Variants in BNIP2 observed in about 807,000 individuals in gnomAD.
The protein encoded by BNIP2 is BCL2/adenovirus E1B 19 kDa protein-interacting protein 2.
BNIP2 carries 36 observed loss-of-function variants against 43.4 expected under a neutral mutation model. The observed-to-expected ratio is 0.83, with a 90% CI of 0.64 to 1.10. The LOEUF (loss-of-function observed/expected upper bound fraction) is 1.10. Among genes scored for constraint, BNIP2 ranks in the 50% least tolerant of loss-of-function variants. The probability of loss-of-function intolerance (pLI) is 0.00; values close to 1 mark genes in which losing one functional copy is unlikely to be tolerated. For synonymous variants in BNIP2, 146 were observed against 121.0 expected (o/e 1.21, Z -1.35); for missense variants, 417 against 374.1 (o/e 1.11, Z -0.95).
At chr15:59,675,248 CAAAA>C (rs1342622252) in intron 5 of BNIP2, among the ~76,000 whole-genome samples, 1 of 83,458 alleles carries the variant, frequency 1.2e-5, no homozygotes. Flanking sequence ...GACTCCATCT[CAAAA>C]AAAAAAAAAA....
chr15:59,688,979 C>A lies in BNIP2; in HGVS notation c.-58+156G>T, dbSNP rs1456815621. ...CAGGGCGGGGATCCAGGAAGCACCT[C>A]CCGAGCAGGTTCTATGGCTCCCCCT... On this transcript the variant is annotated intron_variant, in intron 1 of 9. Transcript: ENST00000607373. The A allele has an allele frequency of 2.1e-6, 3 of 1,442,586 alleles. No homozygotes were observed. In the East Asian group the frequency reaches 7.5e-5, roughly 36 times the overall value. The allele number at this position is 1,442,586 out of a possible 1,614,324, so 89.4% of individuals were successfully genotyped here.
intron 5 of BNIP2, among the ~76,000 whole-genome samples, chr15:59,673,280 T>G (rs1191639664): frequency 6.6e-6 from 1 of 150,652 alleles, no homozygotes; most frequent in Non-Finnish European, 1.5e-5. Flanking sequence ...GCCCGGCTAA[T>G]TTTTTGTGTA....
chr15:59,660,342 T>A lies in BNIP2; in HGVS notation c.*3727A>T, dbSNP rs1182386333. 1 of 152,208 alleles carries A rather than the reference T, an allele frequency of 6.6e-6. No individual in the cohort carries two copies. The highest frequency in any genetic ancestry group is 2.4e-5 in the African/African-American group (1 of 41,446). 9.4% of individuals were successfully genotyped at this position (152,208 alleles called of 1,614,324 possible). A position where few individuals can be genotyped will look rare whatever the true frequency, so the allele number is the denominator to read the frequency against. On this transcript the variant is annotated 3_prime_UTR_variant, in exon 10 of 10. Transcript: ENST00000607373. ...GGCATGAAAACAAAATAGAATGGTG[T>A]AGCAATCTCTATTTTCAGCCTATCT...
Position 59,674,250 on chromosome 15 carries a change from T to C in BNIP2, c.473-1511A>G, listed in dbSNP as rs1198435040. Reference sequence around the variant, plus strand: ...AAATACTTCTGCTTTAACCTTCATTTCTATTGCTTACAAATTTGCACATGA... The same window carrying C: ...AAATACTTCTGCTTTAACCTTCATTCCTATTGCTTACAAATTTGCACATGA... On this transcript the variant is annotated intron_variant, in intron 5 of 9. Transcript: ENST00000607373. Among the ~76,000 whole-genome samples, 3 of 144,398 alleles carry C rather than the reference T, an allele frequency of 2.1e-5. No homozygotes were observed. In the Admixed American group the frequency reaches 2.1e-4, roughly 10 times the overall value. The allele number at this position is 144,398 out of a possible 152,430, so 94.7% of individuals were successfully genotyped here.
chr15:59,681,011 A>C (rs1024847839), intron 2 of BNIP2, among the ~76,000 whole-genome samples: 2 of 152,130 alleles, frequency 1.3e-5, no homozygotes, highest in Non-Finnish European at 2.9e-5. Flanking sequence ...TACAATTATA[A>C]AACATGTAAC....
At chr15:59,676,349 A>ATTTTTTTAT (rs1164885755) in intron 5 of BNIP2, among the ~76,000 whole-genome samples, 3 of 151,614 alleles carry the variant, frequency 2.0e-5, no homozygotes, top group East Asian at 1.9e-4. Flanking sequence ...AATTTTATTT[A>ATTTTTTTAT]TTTTTTTATT....
chr15:59,672,601 A>T, intron 6 of BNIP2, 36 bp downstream of exon 6: 3 of 1,435,502 alleles, frequency 2.1e-6, no homozygotes, highest in South Asian at 1.2e-5. Flanking sequence ...TTAGCTCACA[A>T]TTCTGTCCAA....
chr15:59,678,079 G>T lies in BNIP2; in HGVS notation c.304C>A (p.Pro102Thr). 1 of 1,599,660 alleles carries T rather than the reference G, an allele frequency of 6.3e-7. No individual in the cohort carries two copies. Among genetic ancestry groups the T allele is most frequent in the Non-Finnish European group, 8.5e-7 (1 of 1,176,124 alleles). The part of the protein sequence containing the change: ...SNEFEWEDDL[P>T]KPKTTEVIRK... ...ATTACTTCAGTAGTCTTGGGTTTTG[G>T]AAGATCATCTGTCAAAATACAAAGT... The change falls in exon 5 of 10, where the codon CCA becomes ACA. Residue 102 changes from proline (P) to threonine (T), a missense_variant. Coordinates refer to ENST00000607373, the MANE Select transcript of BNIP2 (RefSeq NM_004330.4).
intron 9 of BNIP2, among the ~76,000 whole-genome samples, chr15:59,665,174 G>A (rs1228501554): frequency 6.6e-6 from 1 of 152,090 alleles, no homozygotes; most frequent in Middle Eastern, 3.4e-3. Context: ...TGAGGTAGGA[G>A]AACCGCTTGA....
intron 1 of BNIP2, among the ~76,000 whole-genome samples, chr15:59,683,636 G>C (rs1235125910): frequency 6.6e-6 from 1 of 152,184 alleles, no homozygotes; most frequent in African/African-American, 2.4e-5. Context: ...GGCCAACACG[G>C]TGAAACCCAG....
At chr15:59,676,715 G>A in intron 5 of BNIP2, 1 of 928,754 alleles carries the variant, frequency 1.1e-6, no homozygotes, top group Non-Finnish European at 1.6e-6. Flanking sequence ...GAGCGCAGTG[G>A]AGTGCCGCGC....
chr15:59,688,597 G>A, intron 1 of BNIP2: 1 of 1,044,138 alleles, frequency 9.6e-7, no homozygotes, highest in Non-Finnish European at 1.4e-6. Context: ...AGAAAGGGTT[G>A]TGTCTAGATT....
At position 59,678,771 on chromosome 15, in the gene BNIP2, C is replaced by A. The variant is rs946834851; in HGVS notation, c.296-684G>T. On this transcript the variant is annotated intron_variant, in intron 4 of 9. Coordinates refer to ENST00000607373, the MANE Select transcript of BNIP2 (RefSeq NM_004330.4). The stretch of plus-strand genomic sequence containing the variant: ...ACCAAAAGATGGGGGGAGGGGGAAA[C>A]CTACTGCATGTTAGTTGTTTCCAAG... The A allele has an allele frequency of 6.2e-6, 8 of 1,300,794 alleles. No individual in the cohort carries two copies. The Admixed American group carries it at 1.9e-4, about 30-fold the overall frequency. The allele number at this position is 1,300,794 out of a possible 1,614,324, so 80.6% of individuals were successfully genotyped here.
intron 4 of BNIP2, 50 bp from the exon 5 acceptor site, chr15:59,678,137 C>A: frequency 6.5e-7 from 1 of 1,545,000 alleles, no homozygotes; most frequent in South Asian, 1.2e-5. Flanking sequence ...CAACAAAAAT[C>A]AAATTATACG....
chr15:59,674,113 C>CA (rs1214561348), intron 5 of BNIP2, among the ~76,000 whole-genome samples: 2 of 122,364 alleles, frequency 1.6e-5, no homozygotes, highest in South Asian at 5.6e-4. Flanking sequence ...AAAACAAAAA[C>CA]AAAAAAACAA....
At chr15:59,680,105 C>T in intron 3 of BNIP2, 136 bp downstream of exon 3, 6 of 744,988 alleles carry the variant, frequency 8.1e-6, no homozygotes, top group South Asian at 5.5e-5. Context: ...AAATGCTTTC[C>T]TCAATGTTCA....
chr15:59,687,070 T>G (rs1894066282), intron 1 of BNIP2, among the ~76,000 whole-genome samples: 1 of 152,064 alleles, frequency 6.6e-6, no homozygotes, highest in Non-Finnish European at 1.5e-5. Context: ...GAGGAAAAAC[T>G]AGAATGGTGC....
At chr15:59,664,807 A>G (rs1307623374) in intron 9 of BNIP2, among the ~76,000 whole-genome samples, 1 of 152,250 alleles carries the variant, frequency 6.6e-6, no homozygotes, top group Non-Finnish European at 1.5e-5. Context: ...GATTCTGTTA[A>G]CTAAAATATG....
chr15:59,688,365 G>A lies in BNIP2; in HGVS notation c.-58+770C>T, dbSNP rs559486103. Among the ~76,000 whole-genome samples the A allele has an allele frequency of 2.0e-5, 3 of 152,238 alleles. No homozygotes were observed. In the South Asian group the frequency reaches 6.2e-4, roughly 32 times the overall value. ...TTGAAAATACGAAATCAGGTATTAG[G>A]TGAAATAGAGATCCTAATCAAGAGA... On this transcript the variant is annotated intron_variant, in intron 1 of 9. Coordinates refer to ENST00000607373, the MANE Select transcript of BNIP2 (RefSeq NM_004330.4).
Sources: gnomAD v4.1 joint callset for allele counts (sites outside exome capture counted in the v4.1 genomes callset) on GRCh38, gnomAD v4.1.1 for gene constraint, MANE v1.5 for transcripts, NCBI Gene and HGNC (gene_info 2026-07-23, HGNC 2026-07-21) for gene names.